Variants in MGRN1 observed in about 807,000 individuals in gnomAD.
The protein encoded by MGRN1 is mahogunin ring finger 1, also known as E3 ubiquitin-protein ligase MGRN1.
In MGRN1, 29 loss-of-function variants were observed where a neutral mutation model predicts 69.2. That is an observed-to-expected ratio of 0.42 (90% confidence interval 0.31 to 0.57). MGRN1 has a LOEUF of 0.57. Ranked by LOEUF, MGRN1 falls within the 20% of genes least tolerant of loss-of-function variation. The pLI is 0.15. For synonymous variants in MGRN1, 470 were observed against 344.2 expected (o/e 1.37, Z -4.04); for missense variants, 998 against 796.2 (o/e 1.25, Z -3.05).
chr16:4,660,525 C>G (rs924309438), intron 5 of MGRN1, among the ~76,000 whole-genome samples: 1 of 152,250 alleles, frequency 6.6e-6, no homozygotes, highest in African/African-American at 2.4e-5. Flanking sequence ...CCTCAGAGCA[C>G]AGAGCGGCCC....
chr16:4,662,655 C>T (rs2078709103), intron 5 of MGRN1, among the ~76,000 whole-genome samples: 1 of 152,230 alleles, frequency 6.6e-6, no homozygotes, highest in Admixed American at 6.5e-5. Context: ...GGTATTGACC[C>T]CATTTTACAA....
At chr16:4,654,836 T>C (rs1401618117) in intron 4 of MGRN1, among the ~76,000 whole-genome samples, 1 of 152,172 alleles carries the variant, frequency 6.6e-6, no homozygotes. Flanking sequence ...GAGGCCGCCC[T>C]TGGGCTCTGG....
intron 1 of MGRN1, among the ~76,000 whole-genome samples, chr16:4,643,128 G>C (rs1315129328): frequency 6.6e-6 from 1 of 151,512 alleles, no homozygotes; most frequent in African/African-American, 2.4e-5. Flanking sequence ...GCTAATTTTT[G>C]TATTTTTAGT....
At position 4,673,652 on chromosome 16, in the gene MGRN1, G is replaced by C; in HGVS notation, c.950G>C (p.Arg317Pro). ...RYQANNCPICRLPFRALLQIR... is the reference protein window; with the variant it reads ...RYQANNCPICPLPFRALLQIR... ...CAGGCCAACAACTGCCCCATCTGCCGGCTGCGTGAGTTCCCCGGCCGGCTG... is the reference window on the plus strand; with the variant it reads ...CAGGCCAACAACTGCCCCATCTGCCCGCTGCGTGAGTTCCCCGGCCGGCTG... Residue 317 changes from arginine (R) to proline (P), a missense_variant, in exon 10 of 17, where the codon CGG (arginine) becomes CCG (proline). Transcript: ENST00000262370. 6.2e-7 allele frequency: 1 copy of C among 1,612,842 alleles called. No individual in the cohort carries two copies. The highest frequency in any genetic ancestry group is 1.1e-5 in the South Asian group (1 of 91,050).
At chr16:4,686,048 G>A (rs571555900) in intron 16 of MGRN1, among the ~76,000 whole-genome samples, 1 of 152,132 alleles carries the variant, frequency 6.6e-6, no homozygotes, top group South Asian at 2.1e-4. Flanking sequence ...TGGGAGGGAG[G>A]GGCAGGGCCA....
intron 12 of MGRN1, 46 bp from the exon 13 acceptor site, chr16:4,681,504 A>G (rs2079181535): frequency 6.5e-7 from 1 of 1,550,342 alleles, no homozygotes; most frequent in African/African-American, 1.4e-5. Flanking sequence ...TCTGGGGAGC[A>G]GGTGGTCCCT....
At chr16:4,633,781 T>A (rs1898134839) in intron 1 of MGRN1, 1 of 151,710 alleles carries the variant, frequency 6.6e-6, no homozygotes, top group Non-Finnish European at 1.5e-5. Context: ...GCAGTGGTGC[T>A]ATCTCGGCTC....
At chr16:4,627,074 A>G (rs1897716679) in intron 1 of MGRN1, among the ~76,000 whole-genome samples, 1 of 152,062 alleles carries the variant, frequency 6.6e-6, no homozygotes, top group Non-Finnish European at 1.5e-5. Flanking sequence ...CCTTAATGAG[A>G]ACTCCGTCAG....
chr16:4,645,724 G>A (rs1293364268), intron 1 of MGRN1, among the ~76,000 whole-genome samples: 1 of 152,152 alleles, frequency 6.6e-6, no homozygotes, highest in African/African-American at 2.4e-5. Context: ...CCAGGGCCCC[G>A]AGGTGTGAGT....
chr16:4,648,581 G>T (rs370699061), intron 1 of MGRN1, among the ~76,000 whole-genome samples: 1 of 81,486 alleles, frequency 1.2e-5, no homozygotes, highest in Non-Finnish European at 2.2e-5. Context: ...GGTCACCCGG[G>T]TCCTCCTCCC....
chr16:4,671,529 T>C, intron 9 of MGRN1, 70 bp downstream of exon 9: 1 of 1,435,156 alleles, frequency 7.0e-7, no homozygotes, highest in Middle Eastern at 1.7e-4. Flanking sequence ...CGGACAGCAA[T>C]GCTTGCCGGT....
chr16:4,688,765 G>A, intron 16 of MGRN1, 31 bp from the exon 17 acceptor site: 2 of 1,521,394 alleles, frequency 1.3e-6, no homozygotes, highest in South Asian at 1.2e-5. Context: ...GCATCCGAGT[G>A]TGACCCTCCT....
intron 1 of MGRN1, among the ~76,000 whole-genome samples, chr16:4,638,568 G>C (rs139108429): frequency 6.6e-6 from 1 of 152,206 alleles, no homozygotes; most frequent in African/African-American, 2.4e-5. Context: ...GGATCAATGC[G>C]TGGGTGATAC....
intron 1 of MGRN1, among the ~76,000 whole-genome samples, chr16:4,642,567 G>A (rs1247936984): frequency 1.3e-5 from 2 of 151,436 alleles, no homozygotes; most frequent in African/African-American, 2.4e-5. Context: ...CTTGTGATCC[G>A]CCCGCCTCGG....
intron 4 of MGRN1, among the ~76,000 whole-genome samples, chr16:4,654,063 G>C (rs2078471755): frequency 6.6e-6 from 1 of 152,064 alleles, no homozygotes; most frequent in African/African-American, 2.4e-5. Flanking sequence ...ACCTGGCCCA[G>C]GTTTTTGTTT....
intron 16 of MGRN1, chr16:4,688,087 A>G (rs577146220): frequency 1.0e-6 from 1 of 985,548 alleles, no homozygotes; most frequent in East Asian, 1.1e-4. Context: ...GCCCCCGAAG[A>G]AAATAGACGC....
Position 4,681,535 on chromosome 16 carries a change from A to G in MGRN1, c.1132-15A>G. The G allele has an allele frequency of 6.2e-7, 1 of 1,606,328 alleles. No individual in the cohort carries two copies. Among genetic ancestry groups the G allele is most frequent in the Non-Finnish European group, 8.5e-7 (1 of 1,175,102 alleles). On this transcript the variant is annotated splice_polypyrimidine_tract_variant and intron_variant, in intron 12 of 16. Transcript: ENST00000262370. ...TCCCTGGGCATGAGCCCCCTCACGC[A>G]CCCTGTCCCTACAGAACTCTGACAG...
chr16:4,646,869 G>A (rs934720524), intron 1 of MGRN1, among the ~76,000 whole-genome samples: 1 of 152,226 alleles, frequency 6.6e-6, no homozygotes, highest in South Asian at 2.1e-4. Context: ...TTCTGGACCA[G>A]GGACCTGTCT....
intron 3 of MGRN1, 120 bp from the exon 4 acceptor site, chr16:4,652,558 T>C (rs1027916282): frequency 1.5e-6 from 2 of 1,307,218 alleles, no homozygotes; most frequent in Non-Finnish European, 2.0e-6. Flanking sequence ...CTATGTCTAC[T>C]GGAGAAGCGG....
Sources: gnomAD v4.1 joint callset for allele counts (sites outside exome capture counted in the v4.1 genomes callset) on GRCh38, gnomAD v4.1.1 for gene constraint, MANE v1.5 for transcripts, NCBI Gene and HGNC (gene_info 2026-07-23, HGNC 2026-07-21) for gene names.